Variants in DNAJC1 observed in about 807,000 individuals in gnomAD.
DNAJC1 encodes DnaJ heat shock protein family (Hsp40) member C1.
A neutral mutation model predicts 76.6 loss-of-function variants in DNAJC1; 58 were observed. The ratio of observed to expected loss-of-function variants is 0.76; its 90% CI spans 0.61 to 0.94. DNAJC1 has a LOEUF of 0.94. DNAJC1 is among the 40% of genes least tolerant of loss of function. DNAJC1 has a pLI of 0.00. For synonymous variants in DNAJC1, 258 were observed against 267.9 expected (o/e 0.96, Z 0.36); for missense variants, 689 against 677.3 (o/e 1.02, Z -0.19).
intron 8 of DNAJC1, among the ~76,000 whole-genome samples, chr10:21,857,876 A>AAC (rs1554891818): frequency 4.0e-5 from 6 of 150,248 alleles, no homozygotes; most frequent in African/African-American, 1.5e-4. Flanking sequence ...CAAACAAACA[A>AAC]AAAAAAAAAC....
At chr10:21,988,068 CCTT>C (rs1300960736) in intron 1 of DNAJC1, among the ~76,000 whole-genome samples, 6 of 152,144 alleles carry the variant, frequency 3.9e-5, no homozygotes, top group South Asian at 2.1e-4. Flanking sequence ...CAAATACACT[CCTT>C]ATTATTAGAA....
chr10:21,763,681 A>T (rs1403615791), intron 10 of DNAJC1, among the ~76,000 whole-genome samples: 1 of 152,094 alleles, frequency 6.6e-6, no homozygotes, highest in Non-Finnish European at 1.5e-5. Context: ...CTTTGTCAAA[A>T]TACTAGGAAG....
At chr10:22,000,127 C>G (rs1163918684) in intron 1 of DNAJC1, among the ~76,000 whole-genome samples, 3 of 152,126 alleles carry the variant, frequency 2.0e-5, no homozygotes, top group Admixed American at 1.3e-4. Flanking sequence ...TTCAGTTTCT[C>G]TTTTTCTCTC....
intron 1 of DNAJC1, among the ~76,000 whole-genome samples, chr10:21,968,093 A>G (rs1017053023): frequency 1.6e-4 from 24 of 152,232 alleles, no homozygotes; most frequent in Non-Finnish European, 3.1e-4. Context: ...AAGTTCAATT[A>G]AAACATTTTC....
chr10:21,825,010 A>T (rs1835223943), intron 8 of DNAJC1, among the ~76,000 whole-genome samples: 1 of 152,128 alleles, frequency 6.6e-6, no homozygotes, highest in African/African-American at 2.4e-5. Context: ...TCCTGACCTC[A>T]GGTGGATCCA....
chr10:21,837,035 C>T (rs1369529774), intron 8 of DNAJC1, among the ~76,000 whole-genome samples: 4 of 152,352 alleles, frequency 2.6e-5, no homozygotes, highest in East Asian at 1.9e-4. Flanking sequence ...CTCAGCCTGC[C>T]GAGTGCCTGG....
At chr10:21,906,197 C>T (rs1306552454) in intron 6 of DNAJC1, among the ~76,000 whole-genome samples, 1 of 152,072 alleles carries the variant, frequency 6.6e-6, no homozygotes, top group African/African-American at 2.4e-5. Flanking sequence ...TACCTCATTT[C>T]TATGAGGATT....
intron 9 of DNAJC1, among the ~76,000 whole-genome samples, chr10:21,796,882 C>T (rs2131637336): frequency 6.6e-6 from 1 of 152,252 alleles, no homozygotes; most frequent in East Asian, 1.9e-4. Flanking sequence ...AATATTTTCT[C>T]CCAGTGCATG....
At chr10:21,837,604 C>T (rs1321617121) in intron 8 of DNAJC1, among the ~76,000 whole-genome samples, 1 of 151,450 alleles carries the variant, frequency 6.6e-6, no homozygotes, top group Admixed American at 6.6e-5. Context: ...CCGGCCGCCC[C>T]ATCTGAGAAG....
At chr10:21,776,402 T>A (rs938250371) in intron 9 of DNAJC1, among the ~76,000 whole-genome samples, 11 of 152,160 alleles carry the variant, frequency 7.2e-5, no homozygotes, top group African/African-American at 2.7e-4. Flanking sequence ...CAGTGATATT[T>A]TAAGTATTAC....
chr10:21,765,218 T>A (rs775880416), intron 10 of DNAJC1, among the ~76,000 whole-genome samples: 1 of 152,178 alleles, frequency 6.6e-6, no homozygotes, highest in Non-Finnish European at 1.5e-5. Context: ...TTGAATTCTT[T>A]TAAAAAAATT....
At chr10:21,841,291 G>T (rs535715216) in intron 8 of DNAJC1, among the ~76,000 whole-genome samples, 36 of 152,158 alleles carry the variant, frequency 2.4e-4, no homozygotes, top group Non-Finnish European at 4.9e-4. Flanking sequence ...CACAGCAAAA[G>T]AAACTACCAT....
rs774899136 is a variant in DNAJC1, at chr10:21,919,830, A to T, written c.635+2T>A. On this transcript the variant is annotated splice_donor_variant, in intron 5 of 11. Coordinates refer to ENST00000376980, the MANE Select transcript of DNAJC1 (RefSeq NM_022365.4). LOFTEE classifies it high-confidence loss of function. Reference sequence around the variant, plus strand: ...TTATAAAGTATTTTTATATGCTCTCACCTTTCATTTTTTTCTGAAGCACCG... The same window carrying T: ...TTATAAAGTATTTTTATATGCTCTCTCCTTTCATTTTTTTCTGAAGCACCG... 1 of 1,596,794 alleles carries T rather than the reference A, an allele frequency of 6.3e-7. No homozygotes were observed. The highest frequency in any genetic ancestry group is 8.5e-7 in the Non-Finnish European group (1 of 1,172,292).
At position 21,929,154 on chromosome 10, in the gene DNAJC1, G is replaced by C. The variant is rs988344707; in HGVS notation, c.223-13C>G. On this transcript the variant is annotated splice_polypyrimidine_tract_variant and intron_variant, in intron 1 of 11. Coordinates refer to ENST00000376980, the MANE Select transcript of DNAJC1 (RefSeq NM_022365.4). ...CAGATGATGCATCCTGGAGGTGGTA[G>C]GGGGAGGGGAAAATACAAAGCAAAC... The C allele has an allele frequency of 6.3e-7, 1 of 1,575,732 alleles. No homozygotes were observed. The highest frequency in any genetic ancestry group is 1.4e-5 in the African/African-American group (1 of 73,596).
intron 4 of DNAJC1, 139 bp downstream of exon 4, chr10:21,920,659 G>A (rs946540488): frequency 1.6e-5 from 11 of 675,150 alleles, no homozygotes; most frequent in South Asian, 5.2e-5. Flanking sequence ...TTAGAAATAT[G>A]TCAAACATTG....
chr10:21,944,933 G>A (rs903390564), intron 1 of DNAJC1, among the ~76,000 whole-genome samples: 3 of 152,166 alleles, frequency 2.0e-5, no homozygotes, highest in African/African-American at 7.2e-5. Context: ...AAAATCCGCA[G>A]GCCAGAGAAG....
At chr10:21,843,461 T>G (rs1021395384) in intron 8 of DNAJC1, among the ~76,000 whole-genome samples, 1 of 148,212 alleles carries the variant, frequency 6.7e-6, no homozygotes, top group Non-Finnish European at 1.5e-5. Flanking sequence ...TGGCACAATC[T>G]CAGCTCACTG....
At chr10:21,794,599 T>C (rs1834732300) in intron 9 of DNAJC1, among the ~76,000 whole-genome samples, 1 of 152,088 alleles carries the variant, frequency 6.6e-6, no homozygotes, top group African/African-American at 2.4e-5. Context: ...AAATGTAATA[T>C]CTAAAACTAT....
intron 8 of DNAJC1, among the ~76,000 whole-genome samples, chr10:21,841,509 C>A (rs945252071): frequency 1.2e-4 from 18 of 152,124 alleles, no homozygotes; most frequent in Non-Finnish European, 1.2e-4. Flanking sequence ...AAAATGCTCA[C>A]CATCACTGGC....
Sources: allele counts gnomAD v4.1 joint callset (sites outside exome capture counted in the v4.1 genomes callset), GRCh38; gene constraint gnomAD v4.1.1; transcripts MANE v1.5; gene names NCBI Gene and HGNC (gene_info 2026-07-23, HGNC 2026-07-21).